RNF217: variants seen among roughly 807,000 people sequenced by gnomAD.
The protein encoded by RNF217 is E3 ubiquitin-protein ligase RNF217.
Under a neutral mutation model 57.8 loss-of-function variants are expected in RNF217, and 31 were observed. The observed-to-expected ratio is 0.54, with a 90% CI of 0.40 to 0.72. RNF217 has a LOEUF of 0.72. Among genes scored for constraint, RNF217 ranks in the 30% least tolerant of loss-of-function variants. The probability of loss-of-function intolerance (pLI) is 0.00; values close to 1 mark genes in which losing one functional copy is unlikely to be tolerated. For missense variants in RNF217, 696 were observed against 708.3 expected (o/e 0.98, Z 0.20); for synonymous variants, 313 against 294.0 (o/e 1.06, Z -0.66).
intron 1 of RNF217, among the ~76,000 whole-genome samples, chr6:125,005,190 G>T (rs977678258): frequency 1.3e-5 from 2 of 152,164 alleles, no homozygotes; most frequent in African/African-American, 4.8e-5. Flanking sequence ...CAGAGGGGAT[G>T]TTCAAACCAT....
At chr6:125,030,828 C>G (rs184518549) in intron 1 of RNF217, among the ~76,000 whole-genome samples, 373 of 152,272 alleles carry the variant, frequency 2.4e-3, no homozygotes, top group African/African-American at 8.5e-3. Context: ...CTTCTTGCAG[C>G]TCCACTAGAC....
intron 3 of RNF217, among the ~76,000 whole-genome samples, chr6:125,069,198 G>A (rs988551786): frequency 6.6e-6 from 1 of 152,082 alleles, no homozygotes; most frequent in Non-Finnish European, 1.5e-5. Context: ...CAGTACATTG[G>A]AGACAATTAT....
chr6:125,037,800 A>G (rs1239690231), intron 1 of RNF217, among the ~76,000 whole-genome samples: 1 of 152,188 alleles, frequency 6.6e-6, no homozygotes, highest in African/African-American at 2.4e-5. Context: ...TCTCTCTGCC[A>G]TATTAACATA....
intron 1 of RNF217, among the ~76,000 whole-genome samples, chr6:125,010,318 A>T (rs539705823): frequency 7.2e-5 from 11 of 152,130 alleles, no homozygotes; most frequent in Non-Finnish European, 1.3e-4. Flanking sequence ...TTTATTAGTG[A>T]TCAAATATGT....
intron 1 of RNF217, among the ~76,000 whole-genome samples, chr6:124,978,819 G>A (rs1254108553): frequency 1.3e-5 from 2 of 152,154 alleles, no homozygotes; most frequent in African/African-American, 4.8e-5. Flanking sequence ...TGGACACATG[G>A]ACACCAGAGA....
rs552362404 is a variant in RNF217 at position 125,062,664 on chromosome 6, T to C, written c.1281+4558T>C. 2.6e-5 allele frequency among the ~76,000 whole-genome samples: 4 copies of C among 152,124 alleles called. No homozygotes were observed. In the East Asian group the frequency reaches 7.8e-4, roughly 29 times the overall value. ...CTATCTCGGCTCACTGCAACCTTCG[T>C]CTCCCGGGCTCAAGAGATTCTCCTG... On this transcript the variant is annotated intron_variant, in intron 3 of 5. Coordinates refer to ENST00000521654, the MANE Select transcript of RNF217 (RefSeq NM_001286398.3).
In RNF217 at chr6:125,088,301, G is replaced by C. The variant is rs542909973; in HGVS notation, c.*5364G>C. 4 of 152,142 alleles carry C rather than the reference G, an allele frequency of 2.6e-5. No homozygotes were observed. Among genetic ancestry groups the C allele is most frequent in the Admixed American group, 2.6e-4 (4 of 15,258 alleles). The allele number at this position is 152,142 out of a possible 1,614,324, so 9.4% of individuals were successfully genotyped here. A position where few individuals can be genotyped will look rare whatever the true frequency, so the allele number is the denominator to read the frequency against. On this transcript the variant is annotated 3_prime_UTR_variant, in exon 6 of 6. Coordinates refer to ENST00000521654, the MANE Select transcript of RNF217 (RefSeq NM_001286398.3). ...TAAGATTGTGAAATGTTACCTTTTG[G>C]ATGCAAACCAATGATACAAATCTTT... is the stretch of plus-strand genomic sequence containing the variant.
chr6:125,048,686 A>G (rs185996589), intron 2 of RNF217, among the ~76,000 whole-genome samples: 1 of 152,136 alleles, frequency 6.6e-6, no homozygotes. Flanking sequence ...GAGACCTAAA[A>G]TATCATATAT....
chr6:124,968,948 G>A (rs1476471493), intron 1 of RNF217, among the ~76,000 whole-genome samples: 3 of 152,168 alleles, frequency 2.0e-5, no homozygotes, highest in Non-Finnish European at 4.4e-5. Flanking sequence ...AGCACCATGA[G>A]ATACTCTATA....
chr6:125,052,627 G>T (rs1200140818), intron 2 of RNF217, among the ~76,000 whole-genome samples: 1 of 152,030 alleles, frequency 6.6e-6, no homozygotes, highest in Non-Finnish European at 1.5e-5. Context: ...GCCACCATCT[G>T]ACTTTAGGAT....
At position 125,011,876 on chromosome 6, in the gene RNF217, G is replaced by A. The variant is rs147711238; in HGVS notation, c.883-33335G>A. Among the ~76,000 whole-genome samples, 983 of 152,054 alleles carry A rather than the reference G, an allele frequency of 6.5e-3. 11 individuals are homozygous for A. Among genetic ancestry groups the A allele is most frequent in the African/African-American group, 0.023 (945 of 41,486 alleles). ...CTTCTCGGTGAGATAATAACTGCCAGCCCTAGTTTTTGGTGCTGAGTTCTT... is the reference window on the plus strand; with the variant it reads ...CTTCTCGGTGAGATAATAACTGCCAACCCTAGTTTTTGGTGCTGAGTTCTT... On this transcript the variant is annotated intron_variant, in intron 1 of 5. Coordinates refer to ENST00000521654, the MANE Select transcript of RNF217 (RefSeq NM_001286398.3).
At chr6:125,076,932 C>T in intron 4 of RNF217, 74 bp downstream of exon 4, 1 of 1,299,598 alleles carries the variant, frequency 7.7e-7, no homozygotes, top group Admixed American at 1.7e-5. Context: ...AAATGTGCAG[C>T]CATGGTAATT....
chr6:125,017,509 A>C (rs1456531460), intron 1 of RNF217, among the ~76,000 whole-genome samples: 1 of 152,220 alleles, frequency 6.6e-6, no homozygotes, highest in Non-Finnish European at 1.5e-5. Context: ...AAACAAGTGT[A>C]TGAATGGCTA....
At chr6:125,048,081 C>T in intron 2 of RNF217, 1 of 620,332 alleles carries the variant, frequency 1.6e-6, no homozygotes, top group Non-Finnish European at 2.5e-6. Flanking sequence ...CATTTTTCAT[C>T]ATTAAACTCT....
At chr6:125,057,790 G>A in intron 2 of RNF217, 152 bp from the exon 3 acceptor site, 1 of 548,640 alleles carries the variant, frequency 1.8e-6, no homozygotes, top group Non-Finnish European at 3.1e-6. Flanking sequence ...TAGTAACAGA[G>A]TATTCATATC....
rs1316552595 is a variant in RNF217, at chr6:125,087,893, A to T, written c.*4956A>T. On this transcript the variant is annotated 3_prime_UTR_variant, in exon 6 of 6. Coordinates refer to ENST00000521654, the MANE Select transcript of RNF217 (RefSeq NM_001286398.3). ...ATAAAAGAAATCTCCCTCACTAAAA[A>T]TATGATCAATCAAAACTACCAGTTT... 1 of 152,100 alleles carries T rather than the reference A, an allele frequency of 6.6e-6. No individual in the cohort carries two copies. The highest frequency in any genetic ancestry group is 1.9e-4 in the East Asian group (1 of 5,198). 9.4% of individuals were successfully genotyped at this position (152,100 alleles called of 1,614,324 possible). A position where few individuals can be genotyped will look rare whatever the true frequency, so the allele number is the denominator to read the frequency against.
At chr6:124,997,050 GTAGAGTC>G (rs1784783059) in intron 1 of RNF217, among the ~76,000 whole-genome samples, 1 of 152,168 alleles carries the variant, frequency 6.6e-6, no homozygotes, top group Non-Finnish European at 1.5e-5. Context: ...GGACGTGCTG[GTAGAGTC>G]TATTTTTTCA....
intron 1 of RNF217, among the ~76,000 whole-genome samples, chr6:125,002,966 CTTG>C (rs1785046218): frequency 6.6e-6 from 1 of 152,050 alleles, no homozygotes. Context: ...GTCAGAAAAT[CTTG>C]TTATTATCCT....
At chr6:124,986,993 T>C (rs1784386448) in intron 1 of RNF217, among the ~76,000 whole-genome samples, 1 of 152,196 alleles carries the variant, frequency 6.6e-6, no homozygotes, top group Non-Finnish European at 1.5e-5. Context: ...TGTTACATAT[T>C]TCATATTTAA....
Sources: allele counts gnomAD v4.1 joint callset (sites outside exome capture counted in the v4.1 genomes callset), GRCh38; gene constraint gnomAD v4.1.1; transcripts MANE v1.5; gene names NCBI Gene and HGNC (gene_info 2026-07-23, HGNC 2026-07-21).